Variants in RMI2 observed in about 807,000 individuals in gnomAD.
RMI2 encodes RecQ mediated genome instability 2, also known as recQ-mediated genome instability protein 2.
Under a neutral mutation model 8.4 loss-of-function variants are expected in RMI2, and 11 were observed. The observed-to-expected ratio is 1.32, with a 90% CI of 0.83 to 2.18. The LOEUF is 2.18. Among genes scored for constraint, RMI2 ranks in the 30% most tolerant of loss-of-function variants. The probability of loss-of-function intolerance (pLI) is 0.00; values close to 1 mark genes in which losing one functional copy is unlikely to be tolerated. For missense variants in RMI2, 253 were observed against 207.5 expected, an observed-to-expected ratio of 1.22 and a Z score of -1.35; for synonymous variants, 105 against 93.8, an observed-to-expected ratio of 1.12 and a Z score of -0.69.
Position 11,345,782 on chromosome 16 carries a change from T to C in RMI2, c.295+16T>C, listed in dbSNP as rs918737. On this transcript the variant is annotated intron_variant, in intron 1 of 1. Coordinates refer to ENST00000312499, the MANE Select transcript of RMI2 (RefSeq NM_152308.3). ...CTAGTCCCAGGTAATGCCCGGGCCT[T>C]ACCGGGCGCCCTCTTCCCTGCTGCC... 0.66 allele frequency: 809,401 copies of C among 1,231,782 alleles called. 270,458 individuals are homozygous for C. Among genetic ancestry groups the C allele is most frequent in the Non-Finnish European group, 0.68 (672,775 of 987,610 alleles). 76.3% of individuals were successfully genotyped at this position (1,231,782 alleles called of 1,614,324 possible).
intron 1 of RMI2, among the ~76,000 whole-genome samples, chr16:11,350,337 T>C (rs1301289612): frequency 1.3e-5 from 2 of 152,194 alleles, no homozygotes; most frequent in Non-Finnish European, 2.9e-5. Context: ...ATGCCTATAA[T>C]CCCAGCACTT....
Position 11,349,356 on chromosome 16 carries a change from G to A in RMI2, c.296-1286G>A, listed in dbSNP as rs1388741571. 6.6e-6 allele frequency: 1 copy of A among 152,476 alleles called. No homozygotes were observed. Among genetic ancestry groups the A allele is most frequent in the African/African-American group, 2.4e-5 (1 of 41,444 alleles). 9.4% of individuals were successfully genotyped at this position (152,476 alleles called of 1,614,324 possible). A position where few individuals can be genotyped will look rare whatever the true frequency, so the allele number is the denominator to read the frequency against. On this transcript the variant is annotated intron_variant, in intron 1 of 1. Coordinates refer to ENST00000312499, the MANE Select transcript of RMI2 (RefSeq NM_152308.3). This position sits in a 1 kb window ranked among gnomAD's most constrained non-coding sequence, Gnocchi z 4.2. ...GGAGAGGGAGAGACAGCGGAGAGCTGCTTTGGAGTGGGAGAGGGTGTGGGT... is the reference window on the plus strand; with the variant it reads ...GGAGAGGGAGAGACAGCGGAGAGCTACTTTGGAGTGGGAGAGGGTGTGGGT...
rs918157651 is a variant in RMI2, at chr16:11,351,219, A to G, written c.*429A>G. 2.6e-5 allele frequency: 6 copies of G among 233,886 alleles called. No homozygotes were observed. Among genetic ancestry groups the G allele is most frequent in the Admixed American group, 5.6e-5 (1 of 17,822 alleles). The allele number at this position is 233,886 out of a possible 1,614,324, so 14.5% of individuals were successfully genotyped here. On this transcript the variant is annotated 3_prime_UTR_variant, in exon 2 of 2. Transcript: ENST00000312499. ...TGATTAAAGTGTGGTTATGGGCAGG[A>G]AGACAGACTGTGTAAAAAAGGAATG...
intron 1 of RMI2, among the ~76,000 whole-genome samples, chr16:11,347,000 A>G (rs1401088314): frequency 6.6e-6 from 1 of 152,198 alleles, no homozygotes; most frequent in Non-Finnish European, 1.5e-5. Flanking sequence ...CTGACACATA[A>G]GTGCTCCAAG....
At chr16:11,350,567 G>A in intron 1 of RMI2, 75 bp from the exon 2 acceptor site, 2 of 1,287,944 alleles carry the variant, frequency 1.6e-6, no homozygotes, top group Non-Finnish European at 2.1e-6. Flanking sequence ...TCCAGCCTGG[G>A]CGACATAGCA....
At chr16:11,345,882 C>T in intron 1 of RMI2, 116 bp downstream of exon 1, 1 of 806,926 alleles carries the variant, frequency 1.2e-6, no homozygotes, top group Non-Finnish European at 1.7e-6. Flanking sequence ...TCTGGCCCTC[C>T]TCCGGGCCTC....
chr16:11,350,897 T>C lies in RMI2; in HGVS notation c.*107T>C. 1 of 950,448 alleles carries C rather than the reference T, an allele frequency of 1.1e-6. No homozygotes were observed. The highest frequency in any genetic ancestry group is 1.5e-6 in the Non-Finnish European group (1 of 656,676). The allele number at this position is 950,448 out of a possible 1,614,324, so 58.9% of individuals were successfully genotyped here. On this transcript the variant is annotated 3_prime_UTR_variant, in exon 2 of 2. Transcript: ENST00000312499. ...TTTTCAATGCGTATTTTTCAAATGCTTCTCAGAGAGCCTTGCTTTGGTTGA... is the reference window on the plus strand; with the variant it reads ...TTTTCAATGCGTATTTTTCAAATGCCTCTCAGAGAGCCTTGCTTTGGTTGA...
chr16:11,350,516 G>A (rs1162704748), intron 1 of RMI2, 126 bp from the exon 2 acceptor site: 7 of 696,572 alleles, frequency 1.0e-5, no homozygotes, highest in East Asian at 5.9e-5. Context: ...CTTAAACTCA[G>A]GAGGTGGAGG....
At chr16:11,347,157 T>C (rs778586859) in intron 1 of RMI2, among the ~76,000 whole-genome samples, 1 of 152,096 alleles carries the variant, frequency 6.6e-6, no homozygotes, top group Non-Finnish European at 1.5e-5. Context: ...AGACAGGCAG[T>C]GAGCAAGTGT....
At chr16:11,347,071 G>A (rs1245745157) in intron 1 of RMI2, among the ~76,000 whole-genome samples, 7 of 152,250 alleles carry the variant, frequency 4.6e-5, no homozygotes, top group African/African-American at 1.7e-4. Flanking sequence ...TGGGATGTCA[G>A]TTGAGCACGT....
rs913182911 is a variant in RMI2 at position 11,345,468 on chromosome 16, C to T, written c.-4C>T. The stretch of plus-strand genomic sequence containing the variant: ...GGCGGGGCGGAAGGGTGCGGCGAGG[C>T]GGAATGGCGGCGGCTGCGGACTCGT... On this transcript the variant is annotated 5_prime_UTR_variant, in exon 1 of 2. Transcript: ENST00000312499. The T allele has an allele frequency of 3.1e-6, 4 of 1,300,466 alleles. No homozygotes were observed. The highest frequency in any genetic ancestry group is 3.9e-6 in the Non-Finnish European group (4 of 1,021,840). 80.6% of individuals were successfully genotyped at this position (1,300,466 alleles called of 1,614,324 possible). A position where few individuals can be genotyped will look rare whatever the true frequency, so the allele number is the denominator to read the frequency against.
intron 1 of RMI2, among the ~76,000 whole-genome samples, chr16:11,347,599 A>G (rs1336651534): frequency 6.6e-6 from 1 of 152,096 alleles, no homozygotes; most frequent in Non-Finnish European, 1.5e-5. Flanking sequence ...TGAGGATGCA[A>G]AATATCAGGA....
In RMI2 at chr16:11,351,432, A is replaced by G. The variant is rs994686944; in HGVS notation, c.*642A>G. ...GCTAGAGAAGGTGATGCCTTCTTCC[A>G]TTACTCAGAGATGTTGAGACGTTTT... is the stretch of plus-strand genomic sequence containing the variant. On this transcript the variant is annotated 3_prime_UTR_variant, in exon 2 of 2. Coordinates refer to ENST00000312499, the MANE Select transcript of RMI2 (RefSeq NM_152308.3). 6.0e-5 allele frequency: 14 copies of G among 232,060 alleles called. No individual in the cohort carries two copies. The highest frequency in any genetic ancestry group is 8.5e-5 in the Non-Finnish European group (10 of 117,412). The allele number at this position is 232,060 out of a possible 1,614,324, so 14.4% of individuals were successfully genotyped here.
Position 11,351,505 on chromosome 16 carries a change from C to T in RMI2, c.*715C>T, listed in dbSNP as rs2070973821. 4.3e-6 allele frequency: 1 copy of T among 232,138 alleles called. No homozygotes were observed. Among genetic ancestry groups the T allele is most frequent in the African/African-American group, 2.2e-5 (1 of 45,304 alleles). 14.4% of individuals were successfully genotyped at this position (232,138 alleles called of 1,614,324 possible). A position where few individuals can be genotyped will look rare whatever the true frequency, so the allele number is the denominator to read the frequency against. ...AAACATCAAGATAAAGGACGCCTTTCAGGCATTAGCTAAACTTCCACTTCA... is the reference window on the plus strand; with the variant it reads ...AAACATCAAGATAAAGGACGCCTTTTAGGCATTAGCTAAACTTCCACTTCA... On this transcript the variant is annotated 3_prime_UTR_variant, in exon 2 of 2. Transcript: ENST00000312499.
chr16:11,345,476 C>CGGCGGCTGCGGACTCGT lies in RMI2; in HGVS notation c.6_22dup (p.Phe8TrpfsTer63). On this transcript the variant is annotated frameshift_variant, in exon 1 of 2. Coordinates refer to ENST00000312499, the MANE Select transcript of RMI2 (RefSeq NM_152308.3). LOFTEE classifies it high-confidence loss of function. Reference sequence around the variant, plus strand: ...GGAAGGGTGCGGCGAGGCGGAATGGCGGCGGCTGCGGACTCGTTCTCAGGC... The same window carrying CGGCGGCTGCGGACTCGT: ...GGAAGGGTGCGGCGAGGCGGAATGGCGGCGGCTGCGGACTCGTGGCGGCTGCGGACTCGTTCTCAGGC... 7.7e-7 allele frequency: 1 copy of CGGCGGCTGCGGACTCGT among 1,306,206 alleles called. No individual in the cohort carries two copies. The highest frequency in any genetic ancestry group is 3.1e-5 in the East Asian group (1 of 32,128). The allele number at this position is 1,306,206 out of a possible 1,614,324, so 80.9% of individuals were successfully genotyped here. A position where few individuals can be genotyped will look rare whatever the true frequency, so the allele number is the denominator to read the frequency against.
Position 11,347,044 on chromosome 16 carries a change from C to T in RMI2, c.295+1278C>T, listed in dbSNP as rs918769077. ...GTCTTGAGTGATAGGCAATGGGCAT[C>T]CATCTCACTTGTTCCCTGGGATGTC... On this transcript the variant is annotated intron_variant, in intron 1 of 1. Coordinates refer to ENST00000312499, the MANE Select transcript of RMI2 (RefSeq NM_152308.3). Among the ~76,000 whole-genome samples, 3 of 152,372 alleles carry T rather than the reference C, an allele frequency of 2.0e-5. No individual in the cohort carries two copies. In the East Asian group the frequency reaches 5.8e-4, roughly 29 times the overall value.
intron 1 of RMI2, among the ~76,000 whole-genome samples, chr16:11,346,512 C>A (rs992661942): frequency 1.3e-5 from 2 of 152,098 alleles, no homozygotes; most frequent in African/African-American, 4.8e-5. Flanking sequence ...CTGCTCATCT[C>A]GGCCTCCCAA....
rs187047810 is a variant in RMI2 at position 11,349,588 on chromosome 16, C to G, written c.296-1054C>G. 1.8e-3 allele frequency among the ~76,000 whole-genome samples: 277 copies of G among 152,312 alleles called. No homozygotes were observed. Among genetic ancestry groups the G allele is most frequent in the Non-Finnish European group, 3.0e-3 (205 of 68,032 alleles). On this transcript the variant is annotated intron_variant, in intron 1 of 1. Coordinates refer to ENST00000312499, the MANE Select transcript of RMI2 (RefSeq NM_152308.3). This position sits in a 1 kb window ranked among gnomAD's most constrained non-coding sequence, Gnocchi z 4.2. ...GCCCCTTCAGAGGGGATGGCAAGTGCATTTTCAGAACTAGCCTCTGTCACG... is the reference window on the plus strand; with the variant it reads ...GCCCCTTCAGAGGGGATGGCAAGTGGATTTTCAGAACTAGCCTCTGTCACG...
rs1033867727 is a variant in RMI2, at chr16:11,351,651, C to A, written c.*861C>A. The A allele has an allele frequency of 4.3e-6, 1 of 230,112 alleles. No homozygotes were observed. The highest frequency in any genetic ancestry group is 8.6e-6 in the Non-Finnish European group (1 of 116,084). The allele number at this position is 230,112 out of a possible 1,614,324, so 14.3% of individuals were successfully genotyped here. On this transcript the variant is annotated 3_prime_UTR_variant, in exon 2 of 2. Transcript: ENST00000312499. ...TCTGCTGTCTGCTTAGTACCCATGCCTGAATTTTTTGAGATTGTAAATATC... is the reference window on the plus strand; with the variant it reads ...TCTGCTGTCTGCTTAGTACCCATGCATGAATTTTTTGAGATTGTAAATATC...
Sources: allele counts gnomAD v4.1 joint callset (sites outside exome capture counted in the v4.1 genomes callset), GRCh38; gene constraint gnomAD v4.1.1; non-coding constraint Gnocchi (gnomAD v3.1); transcripts MANE v1.5; gene names NCBI Gene and HGNC (gene_info 2026-07-23, HGNC 2026-07-21).